Variants in CDH12 observed in about 807,000 individuals in gnomAD.
CDH12 encodes the protein cadherin 12.
A neutral mutation model predicts 74.1 loss-of-function variants in CDH12; 41 were observed. That is an observed-to-expected ratio of 0.55 (90% CI 0.43 to 0.72). The LOEUF (loss-of-function observed/expected upper bound fraction) is 0.72, where lower values mean the gene tolerates loss of function less well. Ranked by LOEUF, CDH12 falls within the 30% of genes least tolerant of loss-of-function variation. The pLI is 0.00. For synonymous variants in CDH12, 399 were observed against 355.0 expected (o/e 1.12, Z -1.39); for missense variants, 945 against 977.2 (o/e 0.97, Z 0.44).
chr5:22,694,598 C>A (rs1742251993), intron 1 of CDH12, among the ~76,000 whole-genome samples: 1 of 151,794 alleles, frequency 6.6e-6, no homozygotes, highest in Non-Finnish European at 1.5e-5. Context: ...ATTTCTATTT[C>A]TGTATTTTTT....
chr5:21,760,518 A>T (rs1242786434), intron 13 of CDH12, 40 bp downstream of exon 13: 1 of 947,820 alleles, frequency 1.1e-6, no homozygotes, highest in Non-Finnish European at 1.7e-6. Flanking sequence ...TTTTACAAAG[A>T]TACATGATAA....
At chr5:22,415,472 A>G (rs1196747956) in intron 2 of CDH12, among the ~76,000 whole-genome samples, 1 of 152,232 alleles carries the variant, frequency 6.6e-6, no homozygotes, top group Non-Finnish European at 1.5e-5. Flanking sequence ...GATGTCAATG[A>G]AAATGACAGT....
intron 1 of CDH12, among the ~76,000 whole-genome samples, chr5:22,534,443 A>T (rs184126868): frequency 6.6e-6 from 1 of 152,156 alleles, no homozygotes. Flanking sequence ...GAGTGAGAAC[A>T]TAAGATGTTT....
intron 3 of CDH12, among the ~76,000 whole-genome samples, chr5:22,283,205 G>GATATATAT (rs1229134274): frequency 2.9e-4 from 31 of 107,952 alleles, no homozygotes; most frequent in African/African-American, 9.6e-4. Context: ...ACATCTGTGA[G>GATATATAT]ATATATATAT....
chr5:22,846,446 A>T (rs1416819018), intron 1 of CDH12, among the ~76,000 whole-genome samples: 1 of 152,174 alleles, frequency 6.6e-6, no homozygotes, highest in Non-Finnish European at 1.5e-5. Context: ...GTATCCTGGG[A>T]TGCTCTGATA....
intron 1 of CDH12, among the ~76,000 whole-genome samples, chr5:22,845,612 A>G (rs1737265756): frequency 6.6e-6 from 1 of 152,180 alleles, no homozygotes; most frequent in African/African-American, 2.4e-5. Flanking sequence ...GGTAGAGATG[A>G]TTCTTCTGCA....
chr5:22,062,209 T>C (rs1294912959), intron 5 of CDH12, among the ~76,000 whole-genome samples: 4 of 152,290 alleles, frequency 2.6e-5, no homozygotes, highest in East Asian at 3.9e-4. Context: ...TGAACCTTTA[T>C]GGCACAGCTA....
intron 3 of CDH12, among the ~76,000 whole-genome samples, chr5:22,325,747 A>C (rs926998989): frequency 4.6e-5 from 7 of 152,070 alleles, no homozygotes; most frequent in African/African-American, 1.7e-4. Context: ...AATCTACTAA[A>C]AATACAAAAA....
chr5:22,292,498 G>A (rs2150414106), intron 3 of CDH12, among the ~76,000 whole-genome samples: 1 of 152,034 alleles, frequency 6.6e-6, no homozygotes, highest in East Asian at 1.9e-4. Context: ...TTACACATCT[G>A]ATAAAGAGTT....
chr5:22,594,892 T>C (rs1736524910), intron 1 of CDH12, among the ~76,000 whole-genome samples: 1 of 152,168 alleles, frequency 6.6e-6, no homozygotes, highest in Non-Finnish European at 1.5e-5. Flanking sequence ...TTAGCCTTCC[T>C]TCAATTAGTG....
rs1478979383 is a variant in CDH12, at chr5:22,693,635, TAC to T, written c.-523+159421_-523+159422del. Among the ~76,000 whole-genome samples the T allele has an allele frequency of 1.2e-4, 18 of 152,166 alleles. 1 individual carries two copies. Among genetic ancestry groups the T allele is most frequent in the Admixed American group, 8.5e-4 (13 of 15,274 alleles). The stretch of plus-strand genomic sequence containing the variant: ...CAGCTTGATTCATTCAAACATTGTT[TAC>T]AGAGATAATGTATATACATTTCTAT... On this transcript the variant is annotated intron_variant, in intron 1 of 14. Coordinates refer to ENST00000382254, the MANE Select transcript of CDH12 (RefSeq NM_004061.5).
Position 21,980,655 on chromosome 5 carries a change from T to G in CDH12, c.232-5270A>C, listed in dbSNP as rs186984482. On this transcript the variant is annotated intron_variant, in intron 5 of 14. Coordinates refer to ENST00000382254, the MANE Select transcript of CDH12 (RefSeq NM_004061.5). ...TTACTCGTTTATTTTTGTGTATGTG[T>G]GGGGTTTTGTCTTTTGTTTTCTGAG... is the stretch of plus-strand genomic sequence containing the variant. 8.7e-3 allele frequency among the ~76,000 whole-genome samples: 1,321 copies of G among 152,250 alleles called. 24 individuals carry two copies. Among genetic ancestry groups the G allele is most frequent in the African/African-American group, 0.03 (1,247 of 41,536 alleles).
At chr5:22,439,359 C>CA (rs1395120484) in intron 2 of CDH12, among the ~76,000 whole-genome samples, 2 of 151,730 alleles carry the variant, frequency 1.3e-5, no homozygotes, top group African/African-American at 2.4e-5. Flanking sequence ...TTCTGAAATG[C>CA]AAAAAATCAT....
chr5:21,841,800 T>C (rs1048488660), intron 8 of CDH12, among the ~76,000 whole-genome samples: 11 of 142,884 alleles, frequency 7.7e-5, no homozygotes, highest in South Asian at 4.4e-4. Context: ...TAGGTGGGAA[T>C]TGAACAATGA....
chr5:22,637,342 AACCTCATCTCC>A (rs200644312), intron 1 of CDH12, among the ~76,000 whole-genome samples: 7,188 of 152,290 alleles, frequency 0.047, 230 homozygotes, highest in Middle Eastern at 0.088. Flanking sequence ...TCTCTGTGCT[AACCTCATCTCC>A]AGGCAATAGT....
intron 2 of CDH12, among the ~76,000 whole-genome samples, chr5:22,493,145 C>T (rs1746956936): frequency 1.3e-5 from 2 of 152,152 alleles, no homozygotes; most frequent in South Asian, 2.1e-4. Context: ...CTCTCAGTTA[C>T]TCGTATCTTG....
At chr5:22,065,129 A>C (rs1188109533) in intron 5 of CDH12, among the ~76,000 whole-genome samples, 3 of 152,124 alleles carry the variant, frequency 2.0e-5, no homozygotes, top group Non-Finnish European at 4.4e-5. Flanking sequence ...GTTACCTTGC[A>C]AGACTGCTGA....
At chr5:22,713,671 T>C (rs888351234) in intron 1 of CDH12, among the ~76,000 whole-genome samples, 2 of 152,044 alleles carry the variant, frequency 1.3e-5, no homozygotes, top group Non-Finnish European at 2.9e-5. Flanking sequence ...AATAGGTAGA[T>C]AGATACATAG....
chr5:22,000,163 T>C (rs1355134464), intron 5 of CDH12, among the ~76,000 whole-genome samples: 1 of 152,218 alleles, frequency 6.6e-6, no homozygotes, highest in African/African-American at 2.4e-5. Flanking sequence ...AATCTTGCTA[T>C]GTTGCCCAGG....
Sources: allele counts gnomAD v4.1 joint callset (sites outside exome capture counted in the v4.1 genomes callset), GRCh38; gene constraint gnomAD v4.1.1; transcripts MANE v1.5; gene names NCBI Gene and HGNC (gene_info 2026-07-23, HGNC 2026-07-21).